MYO7A: variants seen among roughly 807,000 people sequenced by gnomAD.
The protein encoded by MYO7A is myosin VIIA.
Under a neutral mutation model 263.8 loss-of-function variants are expected in MYO7A, and 210 were observed. That is an observed-to-expected ratio of 0.80 (90% CI 0.71 to 0.89). The LOEUF (loss-of-function observed/expected upper bound fraction) is 0.89. Ranked by LOEUF, MYO7A falls within the 40% of genes least tolerant of loss-of-function variation. The probability of loss-of-function intolerance (pLI) is 0.00; values close to 1 mark genes in which losing one functional copy is unlikely to be tolerated. For missense variants in MYO7A, 2,820 were observed against 2,968.3 expected (o/e 0.95, Z 1.16); for synonymous variants, 1,239 against 1,197.3 (o/e 1.03, Z -0.72).
At chr11:77,205,398 G>A (rs1333191727) in intron 39 of MYO7A, 64 bp from the exon 40 acceptor site, 2 of 1,519,888 alleles carry the variant, frequency 1.3e-6, no homozygotes, top group South Asian at 1.2e-5. Flanking sequence ...TCACCCGGGG[G>A]TGCACAGGTC....
intron 1 of MYO7A, 145 bp from the exon 2 acceptor site, chr11:77,130,444 A>T: frequency 3.2e-6 from 2 of 617,622 alleles, no homozygotes. Flanking sequence ...CAGGCTGGGC[A>T]GTGGTCAGAG....
chr11:77,149,016 C>T (rs79839339), intron 4 of MYO7A, among the ~76,000 whole-genome samples: 61 of 152,266 alleles, frequency 4.0e-4, no homozygotes, highest in African/African-American at 1.4e-3. Context: ...CTGCAAGGGT[C>T]TTGGACCCCC....
intron 31 of MYO7A, among the ~76,000 whole-genome samples, chr11:77,193,145 CGTGGAGGTAGCGATGGTGTTGGTGATG>C (rs1956328335): frequency 4.2e-5 from 1 of 24,072 alleles, no homozygotes; most frequent in Non-Finnish European, 7.8e-5. Context: ...TGTTGGTGAT[CGTGGAGGTAGCGATGGTGTTGGTGATG>C]GTGGAGGTAG....
In MYO7A at chr11:77,198,572, G is replaced by C; in HGVS notation, c.4519G>C (p.Val1507Leu). The C allele has an allele frequency of 1.9e-6, 3 of 1,613,960 alleles. No individual in the cohort carries two copies. Among genetic ancestry groups the C allele is most frequent in the Non-Finnish European group, 2.5e-6 (3 of 1,179,894 alleles). The part of the protein sequence containing the change: ...GVYFVDEQEQ[V>L]LLELSFPEIM... Reference sequence around the variant, plus strand: ...GTACTTTGTGGATGAGCAGGAGCAGGTACTTCTGGAGCTGTCCTTCCCAGA... The same window carrying C: ...GTACTTTGTGGATGAGCAGGAGCAGCTACTTCTGGAGCTGTCCTTCCCAGA... The change falls in exon 34 of 49, where the codon GTA (valine) becomes CTA (leucine). Residue 1507 changes from valine (V) to leucine (L), a missense_variant. Physicochemically the swap from Val to Leu is conservative, Grantham distance 32 (BLOSUM62 1). Transcript: ENST00000409709.
intron 32 of MYO7A, among the ~76,000 whole-genome samples, chr11:77,196,201 T>C (rs1453535234): frequency 6.6e-6 from 1 of 152,232 alleles, no homozygotes; most frequent in Non-Finnish European, 1.5e-5. Flanking sequence ...ACCCCGTCTC[T>C]ACTAAAAATG....
rs2135498197 is a variant in MYO7A, at chr11:77,182,438, C to T, written c.3123C>T (p.Val1041=). ...DEGDQLAALA[V]WITILRFMGD... ...CTCTGCCCCAGGCAGCCCTGGCGGT[C>T]TGGATCACCATCCTCCGCTTCATGG... The change falls in exon 25 of 49, where the codon GTC becomes GTT. Residue 1041 remains valine (V), a synonymous_variant. Transcript: ENST00000409709. The T allele has an allele frequency of 1.2e-6, 2 of 1,606,560 alleles. No homozygotes were observed. Among genetic ancestry groups the T allele is most frequent in the East Asian group, 4.5e-5 (2 of 44,878 alleles).
At chr11:77,183,375 G>C (rs2135507363) in intron 26 of MYO7A, among the ~76,000 whole-genome samples, 1 of 152,322 alleles carries the variant, frequency 6.6e-6, no homozygotes, top group South Asian at 2.1e-4. Flanking sequence ...TCAGGCCGGG[G>C]GTGGGAAGGG....
intron 15 of MYO7A, among the ~76,000 whole-genome samples, chr11:77,166,761 G>A (rs1460135470): frequency 2.0e-5 from 3 of 152,150 alleles, no homozygotes; most frequent in South Asian, 2.1e-4. Flanking sequence ...GCCTGTCTAG[G>A]TGCCTGGCTG....
At chr11:77,209,670 G>A (rs7123925) in intron 44 of MYO7A, among the ~76,000 whole-genome samples, 82,327 of 151,980 alleles carry the variant, frequency 0.54, 22,600 homozygotes, top group Middle Eastern at 0.61. Flanking sequence ...TATCTCTAAA[G>A]TCCCCCATGT....
Position 77,162,932 on chromosome 11 carries a change from A to T in MYO7A, c.1634A>T (p.His545Leu). Residue 545 changes from histidine (H) to leucine (L), a missense_variant, in exon 14 of 49, where the codon CAT (histidine) becomes CTT (leucine). Physicochemically the swap from His to Leu is moderately conservative, Grantham distance 99. Coordinates refer to ENST00000409709, the MANE Select transcript of MYO7A (RefSeq NM_000260.4). The part of the protein sequence containing the change: ...NANYIPPKNN[H>L]ETQFGINHFA... ...AACTACATCCCCCCCAAGAACAACC[A>T]TGAGACCCAGTTTGGCATCAACCAT... 1 of 1,613,750 alleles carries T rather than the reference A, an allele frequency of 6.2e-7. No homozygotes were observed. Among genetic ancestry groups the T allele is most frequent in the South Asian group, 1.1e-5 (1 of 91,044 alleles).
intron 20 of MYO7A, among the ~76,000 whole-genome samples, chr11:77,179,490 G>T (rs1555082372): frequency 6.6e-6 from 1 of 152,250 alleles, no homozygotes; most frequent in Admixed American, 6.5e-5. Context: ...GTTGGTTGCA[G>T]CTCCTGATCT....
intron 9 of MYO7A, 136 bp from the exon 10 acceptor site, chr11:77,159,311 G>A: frequency 2.8e-6 from 2 of 716,184 alleles, no homozygotes; most frequent in Non-Finnish European, 4.8e-6. Context: ...GAAGCATTTA[G>A]TCACAATGCT....
chr11:77,173,106 C>A (rs934520884), intron 16 of MYO7A, among the ~76,000 whole-genome samples: 1 of 152,350 alleles, frequency 6.6e-6, no homozygotes, highest in Middle Eastern at 3.4e-3. Flanking sequence ...AGGTTCAGAT[C>A]CTGCCTCTAC....
rs782757893 is a variant in MYO7A at position 77,147,890 on chromosome 11, C to T, written c.225C>T (p.Asp75=). The T allele has an allele frequency of 1.3e-6, 2 of 1,593,804 alleles. No homozygotes were observed. Among genetic ancestry groups the T allele is most frequent in the South Asian group, 1.1e-5 (1 of 87,334 alleles). Residue 75 remains aspartate (D), a synonymous_variant, in exon 4 of 49, where the codon GAC becomes GAT. Transcript: ENST00000409709. ...TGGAGGACATGATCCGCCTGGGGGA[C>T]CTCAACGAGGCGGGCATCTTGCGCA... ...HGVEDMIRLG[D]LNEAGILRNL...
intron 21 of MYO7A, 75 bp from the exon 22 acceptor site, chr11:77,180,299 G>A (rs1955065253): frequency 1.5e-6 from 2 of 1,293,956 alleles, no homozygotes; most frequent in East Asian, 2.5e-5. Flanking sequence ...AGAGTTGGGT[G>A]GGTGGAGCTG....
chr11:77,185,700 T>A (rs1381823108), intron 27 of MYO7A, among the ~76,000 whole-genome samples: 1 of 152,242 alleles, frequency 6.6e-6, no homozygotes, highest in Admixed American at 6.5e-5. Flanking sequence ...CTACGAATCA[T>A]GAATGTTCTG....
chr11:77,131,424 GTC>G (rs1193452994), intron 2 of MYO7A, among the ~76,000 whole-genome samples: 1 of 152,286 alleles, frequency 6.6e-6, no homozygotes, highest in East Asian at 1.9e-4. Flanking sequence ...GCGTGTGTGT[GTC>G]TGTGTGTGTG....
At chr11:77,150,500 T>C (rs1951886747) in intron 4 of MYO7A, among the ~76,000 whole-genome samples, 1 of 152,112 alleles carries the variant, frequency 6.6e-6, no homozygotes, top group South Asian at 2.1e-4. Context: ...TCAAAGAAAA[T>C]AACTTCAGAG....
At chr11:77,132,289 C>T (rs1319669090) in intron 2 of MYO7A, among the ~76,000 whole-genome samples, 4 of 151,958 alleles carry the variant, frequency 2.6e-5, no homozygotes, top group Non-Finnish European at 5.9e-5. Context: ...CCTGATGAGC[C>T]CTGGACATGA....
Sources: gnomAD v4.1 joint callset for allele counts (sites outside exome capture counted in the v4.1 genomes callset) on GRCh38, gnomAD v4.1.1 for gene constraint, MANE v1.5 for transcripts, NCBI Gene and HGNC (gene_info 2026-07-23, HGNC 2026-07-21) for gene names.